The following TENM4 variants were observed in gnomAD, a reference collection of about 807,000 sequenced individuals.
TENM4 encodes the protein teneurin transmembrane protein 4.
TENM4 carries 82 observed loss-of-function variants against 243.3 expected under a neutral mutation model. That is an observed-to-expected ratio of 0.34 (90% CI 0.28 to 0.40). The LOEUF is 0.40. TENM4 is among the 10% of genes least tolerant of loss of function. The probability of loss-of-function intolerance (pLI) is 1.00; values close to 1 mark genes in which losing one functional copy is unlikely to be tolerated. For missense variants in TENM4, 3,138 were observed against 3,673.3 expected (o/e 0.85, Z 3.77); for synonymous variants, 1,412 against 1,456.3 (o/e 0.97, Z 0.69).
At chr11:78,722,968 T>C (rs746782652) in intron 23 of TENM4, 51 bp from the exon 24 acceptor site, 6 of 1,596,518 alleles carry the variant, frequency 3.8e-6, no homozygotes, top group Middle Eastern at 3.3e-4. Flanking sequence ...ATGGGTATCT[T>C]TTCCTGTGGT....
At chr11:79,177,186 T>A (rs650496) in intron 3 of TENM4, among the ~76,000 whole-genome samples, 1 of 152,098 alleles carries the variant, frequency 6.6e-6, no homozygotes, top group African/African-American at 2.4e-5. Flanking sequence ...AAATTTATAT[T>A]GGTATTCAGT....
Position 78,723,077 on chromosome 11 carries a change from C to T in TENM4, c.3551-160G>A, listed in dbSNP as rs1213281805. 2.0e-5 allele frequency among the ~76,000 whole-genome samples: 3 copies of T among 152,194 alleles called. No individual in the cohort carries two copies. The East Asian group carries it at 5.8e-4, about 29-fold the overall frequency. ...CTTTGCCTCACCCCCCCAATGGAAC[C>T]CAGATTGTCCTAAACAAGTCATACA... is the stretch of plus-strand genomic sequence containing the variant. On this transcript the variant is annotated intron_variant, in intron 23 of 33. Coordinates refer to ENST00000278550, the MANE Select transcript of TENM4 (RefSeq NM_001098816.3).
chr11:78,781,334 T>A (rs891931062), intron 16 of TENM4, among the ~76,000 whole-genome samples: 3 of 152,212 alleles, frequency 2.0e-5, no homozygotes, highest in African/African-American at 7.2e-5. Context: ...GCAGTAGGCA[T>A]CTTTTCTCTT....
At chr11:79,065,230 C>G (rs570511643) in intron 5 of TENM4, among the ~76,000 whole-genome samples, 1 of 152,302 alleles carries the variant, frequency 6.6e-6, no homozygotes, top group African/African-American at 2.4e-5. Context: ...AGCCTCAACT[C>G]AAATGGCACC....
At chr11:78,943,357 CT>C (rs1260945495) in intron 6 of TENM4, among the ~76,000 whole-genome samples, 2 of 152,166 alleles carry the variant, frequency 1.3e-5, no homozygotes, top group African/African-American at 4.8e-5. Context: ...AAAAGGACGC[CT>C]TGGTGTGGGG....
intron 1 of TENM4, among the ~76,000 whole-genome samples, chr11:79,393,716 G>A (rs988845724): frequency 1.1e-4 from 17 of 152,238 alleles, no homozygotes; most frequent in African/African-American, 3.9e-4. Context: ...AAGTCTTACT[G>A]AAGGGACTCG....
intron 12 of TENM4, among the ~76,000 whole-genome samples, chr11:78,827,800 T>TA (rs1857891770): frequency 6.6e-6 from 1 of 152,184 alleles, no homozygotes; most frequent in East Asian, 1.9e-4. Flanking sequence ...AAGCCCAGTT[T>TA]AAATATTACC....
chr11:78,986,695 T>C (rs981177895), intron 6 of TENM4, among the ~76,000 whole-genome samples: 1 of 152,136 alleles, frequency 6.6e-6, no homozygotes, highest in African/African-American at 2.4e-5. Flanking sequence ...TGCCTCAGCC[T>C]CCTGAGTAGC....
chr11:79,134,802 A>G (rs998590873), intron 4 of TENM4, among the ~76,000 whole-genome samples: 21 of 152,202 alleles, frequency 1.4e-4, no homozygotes, highest in African/African-American at 5.1e-4. Context: ...ATGTAGGAGA[A>G]TGAAACTGGG....
chr11:79,217,471 T>C (rs2135230213), intron 2 of TENM4, among the ~76,000 whole-genome samples: 1 of 152,210 alleles, frequency 6.6e-6, no homozygotes, highest in East Asian at 1.9e-4. Flanking sequence ...CAAATAGATC[T>C]AGGATCCTAG....
At chr11:79,064,649 C>T (rs1432192511) in intron 6 of TENM4, 89 bp downstream of exon 6, 1 of 1,498,206 alleles carries the variant, frequency 6.7e-7, no homozygotes, top group Non-Finnish European at 9.0e-7. Flanking sequence ...TTCACCAGAG[C>T]CCCGGCAGTG....
intron 7 of TENM4, among the ~76,000 whole-genome samples, chr11:78,896,550 T>C (rs1337391595): frequency 2.0e-5 from 3 of 152,112 alleles, no homozygotes; most frequent in African/African-American, 7.2e-5. Context: ...CCTCCATTGC[T>C]GATCTCCATT....
intron 6 of TENM4, among the ~76,000 whole-genome samples, chr11:78,909,320 T>G (rs1856130169): frequency 1.3e-5 from 2 of 152,248 alleles, no homozygotes. Flanking sequence ...TTCTAAGTAC[T>G]TTGATTATTT....
At chr11:78,668,110 C>T (rs1858204318) in intron 32 of TENM4, among the ~76,000 whole-genome samples, 1 of 152,182 alleles carries the variant, frequency 6.6e-6, no homozygotes, top group Non-Finnish European at 1.5e-5. Flanking sequence ...CGCTAAGTAC[C>T]TCATGAAATG....
intron 14 of TENM4, among the ~76,000 whole-genome samples, chr11:78,810,556 A>G (rs947349272): frequency 1.3e-5 from 2 of 152,168 alleles, no homozygotes; most frequent in Non-Finnish European, 2.9e-5. Flanking sequence ...CTCTGGATAA[A>G]AAGGCCCAGT....
rs1857657501 is a variant in TENM4, at chr11:79,365,280, G to A, written c.-320-67737C>T. ...TTCCTAAAGAATAAAGAGTTTGCTG[G>A]TCTTTGATGAAGGAAAATCCCAGCC... On this transcript the variant is annotated intron_variant, in intron 1 of 33. Transcript: ENST00000278550. Among the ~76,000 whole-genome samples, 3 of 152,092 alleles carry A rather than the reference G, an allele frequency of 2.0e-5. No individual in the cohort carries two copies. The South Asian group carries it at 6.2e-4, about 32-fold the overall frequency.
intron 4 of TENM4, chr11:79,096,805 T>C (rs958454473): frequency 6.6e-6 from 1 of 152,616 alleles, no homozygotes; most frequent in East Asian, 1.9e-4. Flanking sequence ...CAGCAACTTA[T>C]AGACATTTTC....
intron 1 of TENM4, among the ~76,000 whole-genome samples, chr11:79,406,147 C>T (rs559026708): frequency 6.6e-6 from 1 of 152,168 alleles, no homozygotes; most frequent in Non-Finnish European, 1.5e-5. Context: ...ACTGTAGCAC[C>T]CGAGACTTGC....
chr11:79,287,786 A>G (rs1856283087), intron 2 of TENM4, among the ~76,000 whole-genome samples: 1 of 152,196 alleles, frequency 6.6e-6, no homozygotes, highest in African/African-American at 2.4e-5. Flanking sequence ...ATTCTTCCCT[A>G]GGCAAAAAAG....
Sources: allele counts gnomAD v4.1 joint callset (sites outside exome capture counted in the v4.1 genomes callset), GRCh38; gene constraint gnomAD v4.1.1; transcripts MANE v1.5; gene names NCBI Gene and HGNC (gene_info 2026-07-23, HGNC 2026-07-21).